The following WDR53 variants were observed in gnomAD, a reference collection of about 807,000 sequenced individuals.
WDR53 encodes the protein WD repeat-containing protein 53.
A neutral mutation model predicts 21.3 loss-of-function variants in WDR53; 19 were observed. The ratio of observed to expected loss-of-function variants is 0.89; its 90% CI spans 0.62 to 1.31. The LOEUF (loss-of-function observed/expected upper bound fraction) is 1.31. Ranked by LOEUF, WDR53 falls within the 50% of genes most tolerant of loss-of-function variation. WDR53 has a pLI of 0.00. For synonymous variants in WDR53, 157 were observed against 163.4 expected (o/e 0.96, Z 0.30); for missense variants, 374 against 423.2 (o/e 0.88, Z 1.02).
chr3:196,558,201 C>A (rs979211285), intron 3 of WDR53, among the ~76,000 whole-genome samples: 1 of 151,452 alleles, frequency 6.6e-6, no homozygotes, highest in Non-Finnish European at 1.5e-5. Context: ...TCTTTGAATG[C>A]GCTTTGCCTA....
At position 196,561,137 on chromosome 3, in the gene WDR53, G is replaced by C; in HGVS notation, c.339C>G (p.Asp113Glu). 6.2e-7 allele frequency: 1 copy of C among 1,614,186 alleles called. No homozygotes were observed. The change falls in exon 3 of 4, where the codon GAC becomes GAG. Residue 113 changes from aspartate to glutamate, a missense_variant. Asp to Glu is a conservative substitution (Grantham distance 45). Transcript: ENST00000332629. ...NQTENLLASA[D>E]DSGAIKILDL... ...CTAGGATTTTGATTGCCCCAGAGTC[G>C]TCAGCAGAAGCCAGCAGGTTTTCCG...
At chr3:196,559,509 G>A (rs1734627285) in intron 3 of WDR53, among the ~76,000 whole-genome samples, 1 of 152,162 alleles carries the variant, frequency 6.6e-6, no homozygotes, top group Non-Finnish European at 1.5e-5. Context: ...AACAAAAACA[G>A]TCTCATCATT....
chr3:196,562,343 C>G lies in WDR53; in HGVS notation c.-16-852G>C, dbSNP rs76377612. ...AATGGATGATCTCGGCTCACTGCAA[C>G]CTCCGCCTCCCGGGTTCCAGCAATT... On this transcript the variant is annotated intron_variant, in intron 2 of 3. Coordinates refer to ENST00000332629, the MANE Select transcript of WDR53 (RefSeq NM_182627.3). Among the ~76,000 whole-genome samples the G allele has an allele frequency of 4.6e-5, 7 of 152,304 alleles. No individual in the cohort carries two copies. The East Asian group carries it at 1.3e-3, about 29-fold the overall frequency.
intron 3 of WDR53, among the ~76,000 whole-genome samples, chr3:196,555,496 C>T (rs2108681080): frequency 6.6e-6 from 1 of 152,258 alleles, no homozygotes; most frequent in African/African-American, 2.4e-5. Context: ...GTATTAATTT[C>T]ATTTGGCTTT....
At position 196,566,057 on chromosome 3, in the gene WDR53, TCA is replaced by T. The variant is rs199779975; in HGVS notation, c.-17+818_-17+819del. On this transcript the variant is annotated intron_variant, in intron 2 of 3. Coordinates refer to ENST00000332629, the MANE Select transcript of WDR53 (RefSeq NM_182627.3). ...CACTTCCTTCTAATACCTAAAGAAA[TCA>T]CACAGAGTGGGTGAGGGAAAGGTGA... Among the ~76,000 whole-genome samples, 21 of 152,262 alleles carry T rather than the reference TCA, an allele frequency of 1.4e-4. No individual in the cohort carries two copies. The East Asian group carries it at 3.1e-3, about 22-fold the overall frequency.
chr3:196,563,611 G>T lies in WDR53; in HGVS notation c.-16-2120C>A, dbSNP rs369606670. Among the ~76,000 whole-genome samples the T allele has an allele frequency of 9.5e-5, 14 of 147,960 alleles. No homozygotes were observed. In the East Asian group the frequency reaches 1.4e-3, roughly 15 times the overall value. On this transcript the variant is annotated intron_variant, in intron 2 of 3. Coordinates refer to ENST00000332629, the MANE Select transcript of WDR53 (RefSeq NM_182627.3). Reference sequence around the variant, plus strand: ...TTTTGAGACGGAGTCTTGCTCTGTCGCCCAGGTTGGAGTGCAATGGCACAA... The same window carrying T: ...TTTTGAGACGGAGTCTTGCTCTGTCTCCCAGGTTGGAGTGCAATGGCACAA...
chr3:196,559,214 T>C (rs1002159087), intron 3 of WDR53, among the ~76,000 whole-genome samples: 19 of 152,238 alleles, frequency 1.2e-4, no homozygotes, highest in Non-Finnish European at 2.2e-4. Context: ...CATCTGGTTG[T>C]ATAGGTCTTT....
chr3:196,562,228 G>C (rs1734942195), intron 2 of WDR53, among the ~76,000 whole-genome samples: 1 of 152,074 alleles, frequency 6.6e-6, no homozygotes, highest in African/African-American at 2.4e-5. Flanking sequence ...CTGAAAATGG[G>C]GGTGAGACCA....
chr3:196,558,094 C>A (rs977227264), intron 3 of WDR53, among the ~76,000 whole-genome samples: 3 of 151,836 alleles, frequency 2.0e-5, no homozygotes, highest in Non-Finnish European at 4.4e-5. Flanking sequence ...ATCCTTTACA[C>A]CTCATATATA....
chr3:196,559,328 G>T (rs575269023), intron 3 of WDR53, among the ~76,000 whole-genome samples: 1 of 152,326 alleles, frequency 6.6e-6, no homozygotes, highest in African/African-American at 2.4e-5. Context: ...GATAGAGGTT[G>T]TAGGGTCACT....
At chr3:196,568,370 G>C (rs902861469) in intron 1 of WDR53, 149 bp downstream of exon 1, 2 of 152,588 alleles carry the variant, frequency 1.3e-5, no homozygotes, top group Admixed American at 6.5e-5. Context: ...TCTGAAGCAA[G>C]GACCTAACGG....
At chr3:196,559,409 G>A (rs1560302679) in intron 3 of WDR53, among the ~76,000 whole-genome samples, 1 of 152,164 alleles carries the variant, frequency 6.6e-6, no homozygotes, top group Non-Finnish European at 1.5e-5. Context: ...ATTCTTTATT[G>A]TTTGGAGACT....
intron 3 of WDR53, among the ~76,000 whole-genome samples, chr3:196,556,404 C>T (rs1039283699): frequency 6.6e-6 from 1 of 152,068 alleles, no homozygotes; most frequent in African/African-American, 2.4e-5. Flanking sequence ...CACCTCTAAT[C>T]CCAGCACTTT....
rs868577707 is a variant in WDR53 at position 196,567,788 on chromosome 3, A to T, written c.-447-481T>A. ...GTGTGTGTGTGTGTGTGTGTGTGTGAGGTAGGGGCTCACTCTGTCGCCCAG... is the reference window on the plus strand; with the variant it reads ...GTGTGTGTGTGTGTGTGTGTGTGTGTGGTAGGGGCTCACTCTGTCGCCCAG... On this transcript the variant is annotated intron_variant, in intron 1 of 3. Transcript: ENST00000332629. Among the ~76,000 whole-genome samples the T allele has an allele frequency of 6.7e-3, 380 of 56,650 alleles. 2 individuals are homozygous for T. The highest frequency in any genetic ancestry group is 0.018 in the African/African-American group (241 of 13,448). 37.2% of individuals were successfully genotyped at this position (56,650 alleles called of 152,430 possible).
At chr3:196,564,708 A>C (rs1735216666) in intron 2 of WDR53, among the ~76,000 whole-genome samples, 1 of 152,030 alleles carries the variant, frequency 6.6e-6, no homozygotes, top group Non-Finnish European at 1.5e-5. Context: ...TTGCCAAGTT[A>C]TAGTTTTAAT....
chr3:196,568,125 G>A (rs2108719425), intron 1 of WDR53, among the ~76,000 whole-genome samples: 1 of 152,274 alleles, frequency 6.6e-6, no homozygotes, highest in Non-Finnish European at 1.5e-5. Context: ...AAAGACGGCA[G>A]CACTTAATTA....
Position 196,561,076 on chromosome 3 carries a change from T to C in WDR53, c.400A>G (p.Arg134Gly). ...ACTGAGGAGCAGATATTGGAATGTCTCTTCAAGGATCTGATAACTTTCTTG... is the reference window on the plus strand; with the variant it reads ...ACTGAGGAGCAGATATTGGAATGTCCCTTCAAGGATCTGATAACTTTCTTG... ...ENKKVIRSLK[R>G]HSNICSSVAF... is the part of the protein sequence containing the mutation. Residue 134 changes from arginine to glycine, a missense_variant, in exon 3 of 4, where the codon AGA becomes GGA. By Grantham distance (125) the Arg-to-Gly change is moderately radical. Coordinates refer to ENST00000332629, the MANE Select transcript of WDR53 (RefSeq NM_182627.3). The C allele has an allele frequency of 1.2e-6, 2 of 1,614,246 alleles. No homozygotes were observed. The highest frequency in any genetic ancestry group is 1.7e-6 in the Non-Finnish European group (2 of 1,180,048).
Position 196,561,622 on chromosome 3 carries a change from T to TAA in WDR53, c.-16-133_-16-132dup, listed in dbSNP as rs113594168. 6,883 of 748,880 alleles carry TAA rather than the reference T, an allele frequency of 9.2e-3. 3 individuals are homozygous for TAA. The highest frequency in any genetic ancestry group is 0.015 in the African/African-American group (825 of 53,906). 46.4% of individuals were successfully genotyped at this position (748,880 alleles called of 1,614,324 possible). On this transcript the variant is annotated intron_variant, in intron 2 of 3. Transcript: ENST00000332629. ...TACATCTTAAAAAAACTCAATTAAT[T>TAA]AAAAAAAAAAAAGACACTTAAAGAT...
chr3:196,560,786 G>T (rs1443516931), intron 3 of WDR53, among the ~76,000 whole-genome samples: 1 of 152,110 alleles, frequency 6.6e-6, no homozygotes, highest in Non-Finnish European at 1.5e-5. Context: ...TATAGAGAAA[G>T]GAAAAGTAAA....
Sources: allele counts gnomAD v4.1 joint callset (sites outside exome capture counted in the v4.1 genomes callset), GRCh38; gene constraint gnomAD v4.1.1; transcripts MANE v1.5; gene names NCBI Gene and HGNC (gene_info 2026-07-23, HGNC 2026-07-21).